LAMA1: variants seen among roughly 807,000 people sequenced by gnomAD.
LAMA1 encodes laminin subunit alpha-1.
Under a neutral mutation model 348.7 loss-of-function variants are expected in LAMA1, and 219 were observed. The ratio of observed to expected loss-of-function variants is 0.63; its 90% CI spans 0.56 to 0.70. The LOEUF (loss-of-function observed/expected upper bound fraction) is 0.70, where lower values mean the gene tolerates loss of function less well. Among genes scored for constraint, LAMA1 ranks in the 30% least tolerant of loss-of-function variants. LAMA1 has a pLI of 0.00. For missense variants in LAMA1, 3,744 were observed against 3,888.0 expected (o/e 0.96, Z 0.99); for synonymous variants, 1,487 against 1,491.0 (o/e 1.00, Z 0.06).
Position 7,007,121 on chromosome 18 carries a change from C to A in LAMA1, c.4260+18G>T. 2 of 1,613,438 alleles carry A rather than the reference C, an allele frequency of 1.2e-6. No homozygotes were observed. Among genetic ancestry groups the A allele is most frequent in the Non-Finnish European group, 1.7e-6 (2 of 1,179,788 alleles). On this transcript the variant is annotated intron_variant, in intron 29 of 62. Coordinates refer to ENST00000389658, the MANE Select transcript of LAMA1 (RefSeq NM_005559.4). The stretch of plus-strand genomic sequence containing the variant: ...TTTACTTCTAAACTCAGGCAAGCAC[C>A]CCCACAAACCAGCATACCAGACACT...
chr18:6,997,941 T>C (rs993346614), intron 32 of LAMA1, 57 bp from the exon 33 acceptor site: 2 of 1,533,170 alleles, frequency 1.3e-6, no homozygotes, highest in African/African-American at 2.7e-5. Flanking sequence ...GGTCTGCCCA[T>C]TTTTTCATGG....
intron 48 of LAMA1, among the ~76,000 whole-genome samples, chr18:6,968,602 C>A (rs370191669): frequency 5.3e-5 from 8 of 152,290 alleles, no homozygotes; most frequent in East Asian, 1.9e-4. Flanking sequence ...AATGTCCACT[C>A]GTAAATAATA....
Position 6,964,876 on chromosome 18 carries a change from T to C in LAMA1, c.7196-73A>G, listed in dbSNP as rs564412069. 9.7e-5 allele frequency: 150 copies of C among 1,541,534 alleles called. No individual in the cohort carries two copies. The African/African-American group carries it at 1.9e-3, about 20-fold the overall frequency. ...CATGTTAAGGTAAAATGCAAACTTCTGGCAACAAAGCTCATTTACAAATGC... is the reference window on the plus strand; with the variant it reads ...CATGTTAAGGTAAAATGCAAACTTCCGGCAACAAAGCTCATTTACAAATGC... On this transcript the variant is annotated intron_variant, in intron 50 of 62. Transcript: ENST00000389658.
chr18:7,004,766 A>C (rs1487245232), intron 29 of LAMA1, among the ~76,000 whole-genome samples: 2 of 152,160 alleles, frequency 1.3e-5, no homozygotes, highest in African/African-American at 4.8e-5. Flanking sequence ...GCACAGGGGG[A>C]GTGCTTAGGA....
chr18:7,071,561 G>T (rs754751626), intron 3 of LAMA1, among the ~76,000 whole-genome samples: 1 of 152,170 alleles, frequency 6.6e-6, no homozygotes, highest in Admixed American at 6.5e-5. Context: ...GCACCAAAAT[G>T]TCAGGCCTGA....
At chr18:6,950,314 G>A (rs578256773) in intron 58 of LAMA1, among the ~76,000 whole-genome samples, 1 of 152,320 alleles carries the variant, frequency 6.6e-6, no homozygotes, top group South Asian at 2.1e-4. Context: ...AGTTGCCTAT[G>A]CAATAATTAA....
intron 28 of LAMA1, among the ~76,000 whole-genome samples, 188 bp downstream of exon 28, chr18:7,008,300 C>T (rs1029322243): frequency 1.3e-5 from 2 of 151,974 alleles, no homozygotes; most frequent in African/African-American, 4.8e-5. Context: ...CTAAACTGTA[C>T]CCTGAAGAAT....
rs772309717 is a variant in LAMA1 at position 6,976,090 on chromosome 18, G to A, written c.6346-10C>T. On this transcript the variant is annotated splice_polypyrimidine_tract_variant and intron_variant, in intron 44 of 62. Transcript: ENST00000389658. ...ACACGGCGACTTTAATCTGTAGAAG[G>A]AAAATGAAAGTGTCCCCATCATTTA... 3.1e-6 allele frequency: 5 copies of A among 1,613,996 alleles called. No individual in the cohort carries two copies. The South Asian group carries it at 4.4e-5, about 14-fold the overall frequency.
chr18:6,984,497 A>G (rs940562300), intron 39 of LAMA1, among the ~76,000 whole-genome samples: 4 of 152,160 alleles, frequency 2.6e-5, no homozygotes, highest in African/African-American at 9.7e-5. Flanking sequence ...TTTTTAAAAA[A>G]TCACAAAATC....
In LAMA1 at chr18:6,964,671, C is replaced by T; in HGVS notation, c.7328G>A (p.Arg2443Lys). The change falls in exon 51 of 63, where the codon AGA becomes AAA. Residue 2443 changes from arginine to lysine, a missense_variant. Coordinates refer to ENST00000389658, the MANE Select transcript of LAMA1 (RefSeq NM_005559.4). ...PIYVGGLPRS[R>K]VVRRGVTTKS... Reference sequence around the variant, plus strand: ...CTGCAGTTTAATATACCTTACAACTCTTGACCTTGGTAATCCACCCACATA... The same window carrying T: ...CTGCAGTTTAATATACCTTACAACTTTTGACCTTGGTAATCCACCCACATA... 6.2e-7 allele frequency: 1 copy of T among 1,614,180 alleles called. No homozygotes were observed.
chr18:7,076,376 G>C (rs1383309580), intron 3 of LAMA1, among the ~76,000 whole-genome samples: 1 of 152,158 alleles, frequency 6.6e-6, no homozygotes, highest in Non-Finnish European at 1.5e-5. Flanking sequence ...TGAGGTGAGA[G>C]GATGGCTGGT....
At chr18:6,998,724 A>T (rs906262288) in intron 32 of LAMA1, among the ~76,000 whole-genome samples, 2 of 152,150 alleles carry the variant, frequency 1.3e-5, no homozygotes, top group African/African-American at 4.8e-5. Context: ...TCAGAACTGG[A>T]AAAAAAGTTT....
Position 7,015,978 on chromosome 18 carries a change from G to T in LAMA1, c.2990-120C>A, listed in dbSNP as rs553737907. The T allele has an allele frequency of 1.5e-5, 18 of 1,225,230 alleles. 1 individual carries two copies. In the Middle Eastern group the frequency reaches 5.6e-4, roughly 38 times the overall value. 75.9% of individuals were successfully genotyped at this position (1,225,230 alleles called of 1,614,324 possible). The stretch of plus-strand genomic sequence containing the variant: ...GCCACTCTTCTCACTCCTAAAAGAC[G>T]CCTCACAATTCCCAAGACCCCTCCA... On this transcript the variant is annotated intron_variant, in intron 21 of 62. Coordinates refer to ENST00000389658, the MANE Select transcript of LAMA1 (RefSeq NM_005559.4).
At chr18:7,117,631 A>G in intron 1 of LAMA1, 29 bp downstream of exon 1, 1 of 1,592,234 alleles carries the variant, frequency 6.3e-7, no homozygotes, top group Non-Finnish European at 8.5e-7. Context: ...TGCGGGGGAC[A>G]GGGACCCTAG....
rs1290564373 is a variant in LAMA1, at chr18:6,966,073, T to A, written c.7050+74A>T. ...TACATATTTAATTAGTAAATCCTCA[T>A]TAAACATAAACAACCACATAGCAAT... On this transcript the variant is annotated intron_variant, in intron 49 of 62. Coordinates refer to ENST00000389658, the MANE Select transcript of LAMA1 (RefSeq NM_005559.4). 3.3e-6 allele frequency: 5 copies of A among 1,537,880 alleles called. No homozygotes were observed. The East Asian group carries it at 1.1e-4, about 35-fold the overall frequency.
At position 7,046,269 on chromosome 18, in the gene LAMA1, A is replaced by G. The variant is rs373345530; in HGVS notation, c.858+9T>C. On this transcript the variant is annotated intron_variant, in intron 6 of 62. Coordinates refer to ENST00000389658, the MANE Select transcript of LAMA1 (RefSeq NM_005559.4). The stretch of plus-strand genomic sequence containing the variant: ...AAGTTTTAGTAAAATGTGAAATACT[A>G]GAACTCACCTTTGTAGTTTCATCCC... The G allele has an allele frequency of 1.4e-4, 220 of 1,575,964 alleles. No homozygotes were observed. The highest frequency in any genetic ancestry group is 1.8e-4 in the Non-Finnish European group (211 of 1,145,902).
intron 12 of LAMA1, among the ~76,000 whole-genome samples, chr18:7,037,102 G>A (rs1484287770): frequency 6.6e-6 from 1 of 152,180 alleles, no homozygotes; most frequent in East Asian, 1.9e-4. Context: ...TCCTAAATGT[G>A]AGCTTCAGAT....
At position 7,080,296 on chromosome 18, in the gene LAMA1, T is replaced by C. The variant is rs1053517042; in HGVS notation, c.223A>G (p.Asn75Asp). The C allele has an allele frequency of 3.7e-5, 59 of 1,614,126 alleles. No individual in the cohort carries two copies. Among genetic ancestry groups the C allele is most frequent in the Non-Finnish European group, 4.9e-5 (58 of 1,180,050 alleles). Reference protein sequence around the residue: ...QCRICDGNSANPRERHPISHA... With the variant: ...QCRICDGNSADPRERHPISHA... ...AAGGCGCGACACTTGCCTCTGGGGT[T>C]TGCGCTGTTGCCATCACAGATCCGG... is the stretch of plus-strand genomic sequence containing the variant. The change falls in exon 2 of 63, where the codon AAC becomes GAC. Residue 75 changes from asparagine to aspartate, a missense_variant. By Grantham distance (23) the Asn-to-Asp change is conservative (BLOSUM62 1). This residue lies in a region of LAMA1 where 1,529 missense variants were observed against 1,689.4 expected (regional missense o/e 0.91). Coordinates refer to ENST00000389658, the MANE Select transcript of LAMA1 (RefSeq NM_005559.4).
chr18:7,044,582 G>C (rs897296084), intron 7 of LAMA1, 140 bp downstream of exon 7: 1 of 774,614 alleles, frequency 1.3e-6, no homozygotes, highest in African/African-American at 1.7e-5. Context: ...AAAATTTTAA[G>C]GTCATCTGCA....
Sources: allele counts gnomAD v4.1 joint callset (sites outside exome capture counted in the v4.1 genomes callset), GRCh38; gene constraint gnomAD v4.1.1; regional missense constraint gnomAD v4.1.1; transcripts MANE v1.5; gene names NCBI Gene and HGNC (gene_info 2026-07-23, HGNC 2026-07-21).